Variants in FRMPD4 observed in about 807,000 individuals in gnomAD.
The protein encoded by FRMPD4 is FERM and PDZ domain containing 4.
FRMPD4 carries 22 observed loss-of-function variants against 94.1 expected under a neutral mutation model. That is an observed-to-expected ratio of 0.23 (90% confidence interval 0.17 to 0.33). FRMPD4 has a LOEUF of 0.33. Among genes scored for constraint, FRMPD4 ranks in the 10% least tolerant of loss-of-function variants. The probability of loss-of-function intolerance (pLI) is 1.00; values close to 1 mark genes in which losing one functional copy is unlikely to be tolerated. For synonymous variants in FRMPD4, 631 were observed against 548.6 expected (o/e 1.15, Z -2.10); for missense variants, 1,111 against 1,339.9 (o/e 0.83, Z 2.67).
At chrX:11,980,080 A>G (rs1215438605) in intron 3 of FRMPD4, among the ~76,000 whole-genome samples, 1 of 111,236 alleles carries the variant, frequency 9.0e-6, no homozygotes, top group Non-Finnish European at 1.9e-5. Flanking sequence ...TCTCGTCCTC[A>G]TTTTGTCACT....
chrX:12,368,206 C>A (rs1202604390), intron 1 of FRMPD4, among the ~76,000 whole-genome samples: 1 of 111,892 alleles, frequency 8.9e-6, no homozygotes, highest in Non-Finnish European at 1.9e-5. Context: ...CAGTTTCCTT[C>A]CCACAACACT....
chrX:12,444,412 A>G (rs924287857), intron 1 of FRMPD4, among the ~76,000 whole-genome samples: 9 of 108,857 alleles, frequency 8.3e-5, no homozygotes, highest in African/African-American at 3.2e-4. Flanking sequence ...ACATTTTCTT[A>G]TGAGAATGAG....
chrX:11,941,695 G>A lies in FRMPD4; in HGVS notation c.95+63677G>A, dbSNP rs373968742. ...GAAATCCGGTCGGCTTCAAGCAAGC[G>A]TCTAGATTTATCCCATAGTTTAAAA... On this transcript the variant is annotated intron_variant, in intron 3 of 18. Transcript: ENST00000640291. Among the ~76,000 whole-genome samples the A allele has an allele frequency of 1.8e-4, 20 of 112,519 alleles. No homozygotes were observed. In the East Asian group the frequency reaches 2.8e-3, roughly 16 times the overall value.
intron 4 of FRMPD4, among the ~76,000 whole-genome samples, chrX:12,645,293 T>C (rs1317103726): frequency 9.2e-6 from 1 of 108,183 alleles, no homozygotes; most frequent in Non-Finnish European, 1.9e-5. Flanking sequence ...TTCATACTGC[T>C]TTTCATGCAT....
intron 1 of FRMPD4, among the ~76,000 whole-genome samples, chrX:12,398,541 T>C (rs1022370878): frequency 2.7e-5 from 3 of 111,625 alleles, no homozygotes; most frequent in South Asian, 3.8e-4. Flanking sequence ...ACTAAAGTTA[T>C]TATTTTTGTG....
chrX:12,039,638 G>T (rs1354200837), intron 3 of FRMPD4, among the ~76,000 whole-genome samples: 1 of 110,527 alleles, frequency 9.0e-6, no homozygotes, highest in Non-Finnish European at 1.9e-5. Context: ...ATCAGAATAT[G>T]ATCTATTCTG....
Position 12,721,552 on chromosome X carries a change from G to T in FRMPD4, c.4983G>T (p.Ala1661=). 2.7e-6 allele frequency: 2 copies of T among 753,908 alleles called. No individual in the cohort carries two copies. Among genetic ancestry groups the T allele is most frequent in the Non-Finnish European group, 3.1e-6 (2 of 637,407 alleles). The allele number at this position is 753,908 out of a possible 1,213,427, so 62.1% of individuals were successfully genotyped here. The change falls in exon 17 of 17, where the codon GCG becomes GCT. Residue 1661 remains alanine (A), a synonymous_variant. Coordinates refer to ENST00000675598, the MANE Select transcript of FRMPD4 (RefSeq NM_001368397.1). ...TGGGAAGTGCCTGTAGGAAAATGGC[G>T]ATGGCTGAGAAAAGCCCGGAGGAGA... The part of the protein sequence containing the change: ...RQLGSACRKM[A]MAEKSPEEML...
chrX:12,626,439 C>G (rs1426320475), intron 4 of FRMPD4, among the ~76,000 whole-genome samples: 1 of 107,423 alleles, frequency 9.3e-6, no homozygotes, highest in Non-Finnish European at 1.9e-5. Flanking sequence ...TAGAAACACA[C>G]CATATTAAAA....
At chrX:12,115,910 C>T (rs1237271542) in intron 3 of FRMPD4, among the ~76,000 whole-genome samples, 1 of 111,887 alleles carries the variant, frequency 8.9e-6, no homozygotes, top group African/African-American at 3.3e-5. Flanking sequence ...CATGTAGTCG[C>T]GGAAACATTT....
chrX:12,054,631 C>T (rs956399644), intron 3 of FRMPD4, among the ~76,000 whole-genome samples: 2 of 111,514 alleles, frequency 1.8e-5, no homozygotes, highest in African/African-American at 6.5e-5. Context: ...TAATCTTTGT[C>T]TGGTCACTCC....
chrX:12,702,860 T>G (rs149280412), intron 10 of FRMPD4, among the ~76,000 whole-genome samples: 1,180 of 112,251 alleles, frequency 0.011, 13 homozygotes, highest in African/African-American at 0.034. Flanking sequence ...TCCCCACACA[T>G]AAGCGTGACT....
chrX:12,076,971 G>C (rs1406095266), intron 3 of FRMPD4, among the ~76,000 whole-genome samples: 1 of 111,726 alleles, frequency 9.0e-6, no homozygotes, highest in African/African-American at 3.3e-5. Flanking sequence ...CCTGCCTCCA[G>C]TTCTTTCATA....
chrX:12,147,249 C>T (rs1260703532), intron 1 of FRMPD4, among the ~76,000 whole-genome samples: 1 of 112,270 alleles, frequency 8.9e-6, no homozygotes, highest in Non-Finnish European at 1.9e-5. Flanking sequence ...TGCCCCATTG[C>T]TGTTGGGCTT....
At chrX:12,046,202 C>T (rs1372665219) in intron 3 of FRMPD4, among the ~76,000 whole-genome samples, 1 of 110,941 alleles carries the variant, frequency 9.0e-6, no homozygotes, top group Non-Finnish European at 1.9e-5. Context: ...AGAAATAAGT[C>T]TCAGCAAATT....
At chrX:12,662,184 T>A (rs2059721017) in intron 4 of FRMPD4, among the ~76,000 whole-genome samples, 1 of 111,335 alleles carries the variant, frequency 9.0e-6, no homozygotes, top group Admixed American at 9.6e-5. Context: ...AACAATTATT[T>A]TTTTTTTTAG....
intron 3 of FRMPD4, among the ~76,000 whole-genome samples, chrX:11,984,314 T>C (rs1317454923): frequency 8.9e-6 from 1 of 112,567 alleles, no homozygotes; most frequent in Non-Finnish European, 1.9e-5. Flanking sequence ...ACCTTTGCTC[T>C]TGACTGGTCC....
In FRMPD4 at chrX:12,710,495, T is replaced by C; in HGVS notation, c.1567T>C (p.Phe523Leu). The stretch of plus-strand genomic sequence containing the variant: ...GCTTGTTGATTCCAGGAGGTCGATA[T>C]TTAACATGGCCAACAAGAAAAACAC... ...RLLVDSRRSI[F>L]NMANKKNTAT... Residue 523 changes from phenylalanine (F) to leucine (L), a missense_variant, in exon 14 of 17, where the codon TTT becomes CTT. Coordinates refer to ENST00000675598, the MANE Select transcript of FRMPD4 (RefSeq NM_001368397.1). 1.7e-6 allele frequency: 2 copies of C among 1,207,874 alleles called. No homozygotes were observed. The highest frequency in any genetic ancestry group is 2.2e-6 in the Non-Finnish European group (2 of 892,248).
chrX:11,978,044 C>T (rs1263567251), intron 3 of FRMPD4, among the ~76,000 whole-genome samples: 2 of 109,496 alleles, frequency 1.8e-5, no homozygotes, highest in Admixed American at 9.8e-5. Context: ...AAGTTCCGGC[C>T]GGGCTCGGTG....
intron 3 of FRMPD4, among the ~76,000 whole-genome samples, chrX:12,112,039 C>A (rs6639146): frequency 0.075 from 8,311 of 111,115 alleles, 869 homozygotes; most frequent in East Asian, 0.58. Context: ...ACTAGAAATA[C>A]CATTTGACCC....
Sources: gnomAD v4.1 joint callset for allele counts (sites outside exome capture counted in the v4.1 genomes callset) on GRCh38, gnomAD v4.1.1 for gene constraint, MANE v1.5 for transcripts, NCBI Gene and HGNC (gene_info 2026-07-23, HGNC 2026-07-21) for gene names.